RAD52: variants seen among roughly 807,000 people sequenced by gnomAD.
RAD52 encodes the protein DNA repair protein RAD52 homolog.
A neutral mutation model predicts 55.5 loss-of-function variants in RAD52; 47 were observed. The ratio of observed to expected loss-of-function variants is 0.85; its 90% CI spans 0.67 to 1.08. The LOEUF (loss-of-function observed/expected upper bound fraction) is 1.08, where lower values mean the gene tolerates loss of function less well. RAD52 is among the 50% of genes least tolerant of loss of function. The pLI is 0.00. For synonymous variants in RAD52, 184 were observed against 198.9 expected (o/e 0.92, Z 0.63); for missense variants, 468 against 522.8 (o/e 0.90, Z 1.02).
At chr12:952,410 C>T (rs1201918127), upstream of RAD52, among the ~76,000 whole-genome samples, 1 of 152,158 alleles carries the variant, frequency 6.6e-6, no homozygotes, top group Non-Finnish European at 1.5e-5. Context: ...CTAAAAACTA[C>T]ATTTTAAAAA....
chr12:943,224 G>A lies in RAD52; in HGVS notation c.-19+6378C>T, dbSNP rs1367255796. 2.0e-5 allele frequency among the ~76,000 whole-genome samples: 3 copies of A among 152,160 alleles called. No homozygotes were observed. In the East Asian group the frequency reaches 5.8e-4, roughly 29 times the overall value. ...TCTCATACACTGTTGGCAGGAAACA[G>A]GCTGATAAAACCACTCAGCTGTTAA... On this transcript the variant is annotated intron_variant, in intron 1 of 11. Coordinates refer to ENST00000358495, the MANE Select transcript of RAD52 (RefSeq NM_134424.4).
At chr12:976,031 G>A (rs771922785) in intron 1 of RAD52, 1 of 152,150 alleles carries the variant, frequency 6.6e-6, no homozygotes, top group Non-Finnish European at 1.5e-5. Context: ...ATTAAAGACA[G>A]CCCCAGGGCT....
chr12:952,800 G>A (rs1321429699), upstream of RAD52, among the ~76,000 whole-genome samples: 1 of 148,190 alleles, frequency 6.7e-6, no homozygotes. Context: ...GCTGAGGCAG[G>A]AGAATTGCTT....
upstream of RAD52, among the ~76,000 whole-genome samples, chr12:953,134 G>A (rs183580083): frequency 9.9e-4 from 148 of 149,978 alleles, 4 homozygotes; most frequent in Non-Finnish European, 5.9e-4. Flanking sequence ...TTGAAACCCC[G>A]TCTTTACTAA....
chr12:979,248 A>G (rs1958977193), intron 1 of RAD52, among the ~76,000 whole-genome samples: 1 of 152,032 alleles, frequency 6.6e-6, no homozygotes, highest in Admixed American at 6.5e-5. Context: ...AAGAACAACC[A>G]GGGCAACAAG....
chr12:971,270 T>C lies in RAD52; in HGVS notation c.-19+18539A>G, dbSNP rs992970134. Reference sequence around the variant, plus strand: ...ATATTATTATAGGATACTGAAAACATTGTGGGGAAGGGCATGGTATTTTTT... The same window carrying C: ...ATATTATTATAGGATACTGAAAACACTGTGGGGAAGGGCATGGTATTTTTT... On this transcript the variant is annotated intron_variant, in intron 1 of 11. Transcript: ENST00000430095. Among the ~76,000 whole-genome samples the C allele has an allele frequency of 2.6e-5, 4 of 152,040 alleles. 1 individual carries two copies. The South Asian group carries it at 8.3e-4, about 32-fold the overall frequency.
At chr12:917,262 G>A (rs904269996) in intron 7 of RAD52, among the ~76,000 whole-genome samples, 3 of 152,194 alleles carry the variant, frequency 2.0e-5, no homozygotes, top group African/African-American at 7.2e-5. Flanking sequence ...AAACGACAGA[G>A]GGAAGAACCC....
At position 939,936 on chromosome 12, in the gene RAD52, G is replaced by C. The variant is rs189979866; in HGVS notation, c.-18-6860C>G. 2.3e-3 allele frequency among the ~76,000 whole-genome samples: 344 copies of C among 152,258 alleles called. 1 individual carries two copies. The highest frequency in any genetic ancestry group is 7.8e-3 in the African/African-American group (323 of 41,568). On this transcript the variant is annotated intron_variant, in intron 1 of 11. Coordinates refer to ENST00000358495, the MANE Select transcript of RAD52 (RefSeq NM_134424.4). Reference sequence around the variant, plus strand: ...CTGAAAATACAAAAATTAGGTGGGCGTGGTTGTGTGCGCCTGTAATCCCAG... The same window carrying C: ...CTGAAAATACAAAAATTAGGTGGGCCTGGTTGTGTGCGCCTGTAATCCCAG...
chr12:926,022 G>A (rs1303938787), intron 6 of RAD52, among the ~76,000 whole-genome samples: 3 of 152,100 alleles, frequency 2.0e-5, no homozygotes, highest in Non-Finnish European at 4.4e-5. Flanking sequence ...CAAAGACACG[G>A]ATATGGTTTG....
intron 1 of RAD52, among the ~76,000 whole-genome samples, chr12:977,576 G>A (rs1007695811): frequency 6.6e-6 from 1 of 152,204 alleles, no homozygotes; most frequent in African/African-American, 2.4e-5. Context: ...GCAGTCACCT[G>A]ATAGTTGTCT....
intron 1 of RAD52, among the ~76,000 whole-genome samples, chr12:957,966 C>T (rs1173262285): frequency 6.6e-6 from 1 of 152,214 alleles, no homozygotes; most frequent in Non-Finnish European, 1.5e-5. Flanking sequence ...AGGGCGGTCT[C>T]GCCCCTGCAC....
rs372810225 is a variant in RAD52, at chr12:957,322, G to A, written c.-18-24246C>T. On this transcript the variant is annotated intron_variant, in intron 1 of 11. Coordinates refer to the RAD52 transcript ENST00000430095. ...AAAATACAAAAAAACAATTAGCTGG[G>A]CGTGGTGGTGGGCGCCTGTAATCCC... 1.8e-3 allele frequency among the ~76,000 whole-genome samples: 270 copies of A among 151,998 alleles called. 4 individuals are homozygous for A. In the South Asian group the frequency reaches 0.034, roughly 19 times the overall value.
At chr12:943,209 T>C (rs1438725120) in intron 1 of RAD52, among the ~76,000 whole-genome samples, 3 of 152,168 alleles carry the variant, frequency 2.0e-5, no homozygotes, top group African/African-American at 7.2e-5. Flanking sequence ...TCTCATACAC[T>C]GTTGGCAGGA....
At chr12:942,899 G>C (rs1242751790) in intron 1 of RAD52, among the ~76,000 whole-genome samples, 3 of 152,084 alleles carry the variant, frequency 2.0e-5, no homozygotes, top group African/African-American at 7.2e-5. Context: ...CTGTTCATCA[G>C]ACAACTCTAA....
chr12:917,761 C>T (rs1314018979), intron 7 of RAD52, among the ~76,000 whole-genome samples: 1 of 80,284 alleles, frequency 1.2e-5, no homozygotes, highest in Non-Finnish European at 2.5e-5. Flanking sequence ...CCTGTCTCTA[C>T]TAAAAATACA....
At chr12:932,243 C>T (rs955873655) in intron 2 of RAD52, among the ~76,000 whole-genome samples, 12 of 152,072 alleles carry the variant, frequency 7.9e-5, no homozygotes, top group African/African-American at 2.7e-4. Context: ...GCCTGTAATC[C>T]AAACACTTTG....
intron 1 of RAD52, among the ~76,000 whole-genome samples, chr12:965,930 C>T (rs889979752): frequency 5.3e-5 from 8 of 151,902 alleles, no homozygotes; most frequent in South Asian, 2.1e-4. Flanking sequence ...ATGATCCTCC[C>T]GCCTTGGCCT....
intron 1 of RAD52, among the ~76,000 whole-genome samples, chr12:979,826 T>C (rs912066917): frequency 2.0e-5 from 3 of 152,028 alleles, no homozygotes; most frequent in Non-Finnish European, 2.9e-5. Context: ...GGCAGGCGGA[T>C]CACGAGGTCA....
intron 1 of RAD52, chr12:974,989 T>C (rs779955957): frequency 5.9e-5 from 9 of 152,142 alleles, no homozygotes; most frequent in Non-Finnish European, 1.0e-4. Context: ...GGACCAAAGA[T>C]AGGTGAGTAC....
Sources: allele counts gnomAD v4.1 joint callset (sites outside exome capture counted in the v4.1 genomes callset), GRCh38; gene constraint gnomAD v4.1.1; transcripts MANE v1.5; gene names NCBI Gene and HGNC (gene_info 2026-07-23, HGNC 2026-07-21).